Variants in DHRSX observed in about 807,000 individuals in gnomAD.
DHRSX encodes polyprenol dehydrogenase.
A neutral mutation model predicts 34.0 loss-of-function variants in DHRSX; 31 were observed. That is an observed-to-expected ratio of 0.91 (90% CI 0.69 to 1.23). The LOEUF (loss-of-function observed/expected upper bound fraction) is 1.23. DHRSX is among the 50% of genes most tolerant of loss of function. DHRSX has a pLI of 0.00. For synonymous variants in DHRSX, 201 were observed against 183.8 expected (o/e 1.09, Z -0.76); for missense variants, 414 against 428.1 (o/e 0.97, Z 0.29).
chrX:2,403,800 G>A (rs2043518506), intron 3 of DHRSX, among the ~76,000 whole-genome samples: 1 of 142,670 alleles, frequency 7.0e-6, no homozygotes, highest in Non-Finnish European at 1.5e-5. Context: ...AGGTTGCAGT[G>A]AGCCGAGATC....
rs748565771 is a variant in DHRSX at position 2,298,840 on chromosome X, C to G, written c.287-7237G>C. ...GTCTCTACTAAAAATACAAAATTAG[C>G]CGGGTGTGGTGGCACATGCCTGTAA... On this transcript the variant is annotated intron_variant, in intron 3 of 6. Transcript: ENST00000334651. 1.2e-3 allele frequency among the ~76,000 whole-genome samples: 187 copies of G among 152,064 alleles called. 1 individual carries two copies. Among genetic ancestry groups the G allele is most frequent in the African/African-American group, 4.3e-3 (178 of 41,440 alleles).
chrX:2,301,455 C>A (rs1323599130), intron 3 of DHRSX, among the ~76,000 whole-genome samples: 1 of 152,186 alleles, frequency 6.6e-6, no homozygotes, highest in Non-Finnish European at 1.5e-5. Context: ...AGATATTAGC[C>A]TTTCTTTGCT....
intron 1 of DHRSX, among the ~76,000 whole-genome samples, chrX:2,464,489 G>A (rs1233669437): frequency 1.1e-5 from 1 of 88,660 alleles, no homozygotes; most frequent in South Asian, 3.4e-4. Context: ...CTAAGAATGC[G>A]TCCAGGGGAC....
chrX:2,295,791 G>A (rs1354311707), intron 3 of DHRSX, among the ~76,000 whole-genome samples: 2 of 152,144 alleles, frequency 1.3e-5, no homozygotes, highest in Non-Finnish European at 2.9e-5. Flanking sequence ...AAGAGGGCTA[G>A]CACTTGCTTG....
intron 5 of DHRSX, among the ~76,000 whole-genome samples, chrX:2,246,356 G>C (rs1214842074): frequency 6.6e-6 from 1 of 152,102 alleles, no homozygotes; most frequent in Non-Finnish European, 1.5e-5. Context: ...GGGTGCGTTG[G>C]CTCATGCCTG....
chrX:2,433,742 T>A (rs1028649752), intron 1 of DHRSX, among the ~76,000 whole-genome samples: 4 of 152,166 alleles, frequency 2.6e-5, no homozygotes, highest in African/African-American at 9.7e-5. Context: ...ACTCATCCTT[T>A]TTATGGCTGC....
intron 1 of DHRSX, among the ~76,000 whole-genome samples, chrX:2,454,605 C>G (rs1336118904): frequency 6.6e-6 from 1 of 151,932 alleles, no homozygotes; most frequent in Admixed American, 6.6e-5. Context: ...ATCAGGCACC[C>G]CAAAAATTCC....
chrX:2,373,828 G>C (rs2043109408), intron 3 of DHRSX, among the ~76,000 whole-genome samples: 1 of 152,172 alleles, frequency 6.6e-6, no homozygotes, highest in Non-Finnish European at 1.5e-5. Context: ...ATAGAGGTGA[G>C]ATGTTGACAG....
chrX:2,484,854 G>A (rs758542385), intron 1 of DHRSX, among the ~76,000 whole-genome samples: 2 of 152,022 alleles, frequency 1.3e-5, no homozygotes, highest in South Asian at 4.2e-4. Flanking sequence ...CCGGTCTCTG[G>A]GCCTCCTCTG....
At chrX:2,403,871 A>AG (rs1220127736) in intron 3 of DHRSX, among the ~76,000 whole-genome samples, 1 of 152,144 alleles carries the variant, frequency 6.6e-6, no homozygotes, top group East Asian at 1.9e-4. Flanking sequence ...AAAAAAAAAA[A>AG]AAATTATTGG....
intron 1 of DHRSX, among the ~76,000 whole-genome samples, chrX:2,472,701 G>A (rs1452461600): frequency 2.6e-5 from 4 of 152,124 alleles, no homozygotes; most frequent in East Asian, 1.9e-4. Context: ...CCCGGGAGAC[G>A]GAGGTTGCAG....
At chrX:2,264,883 G>T (rs865867544) in intron 5 of DHRSX, among the ~76,000 whole-genome samples, 1 of 82,158 alleles carries the variant, frequency 1.2e-5, no homozygotes, top group South Asian at 2.7e-4. Flanking sequence ...CACTATGCCG[G>T]GCACCAATGT....
At chrX:2,370,703 G>A (rs2043047415) in intron 3 of DHRSX, among the ~76,000 whole-genome samples, 1 of 151,914 alleles carries the variant, frequency 6.6e-6, no homozygotes, top group Admixed American at 6.6e-5. Context: ...CCCCTTCAGG[G>A]ATGGACTGAA....
intron 3 of DHRSX, among the ~76,000 whole-genome samples, chrX:2,347,457 G>A (rs941698971): frequency 1.3e-5 from 2 of 152,222 alleles, no homozygotes; most frequent in African/African-American, 4.8e-5. Flanking sequence ...ACTTTGGGAG[G>A]CCAACACAGG....
chrX:2,499,667 G>C (rs1569351936), intron 1 of DHRSX, among the ~76,000 whole-genome samples: 1 of 152,176 alleles, frequency 6.6e-6, no homozygotes, highest in Non-Finnish European at 1.5e-5. Context: ...AGCACTTTGG[G>C]GGACCCAGGT....
chrX:2,467,473 G>A (rs374987510), intron 1 of DHRSX, among the ~76,000 whole-genome samples: 1 of 152,124 alleles, frequency 6.6e-6, no homozygotes, highest in Non-Finnish European at 1.5e-5. Context: ...ACAAGAGACA[G>A]GACTGTAACA....
intron 3 of DHRSX, among the ~76,000 whole-genome samples, chrX:2,373,357 C>T (rs1334191983): frequency 6.6e-6 from 1 of 152,132 alleles, no homozygotes; most frequent in East Asian, 1.9e-4. Context: ...TCAGAGGAGA[C>T]CTTTCAAAAG....
At chrX:2,238,750 A>AT (rs71301238) in intron 6 of DHRSX, among the ~76,000 whole-genome samples, 2,222 of 144,734 alleles carry the variant, frequency 0.015, 21 homozygotes, top group Non-Finnish European at 0.022. Flanking sequence ...CACTCGGCTA[A>AT]TTTTTTTTTT....
At chrX:2,407,150 G>A (rs1363487762) in intron 3 of DHRSX, among the ~76,000 whole-genome samples, 7 of 152,180 alleles carry the variant, frequency 4.6e-5, no homozygotes, top group Admixed American at 3.3e-4. Flanking sequence ...TACCCTAAGG[G>A]ACATAACTCA....
Sources: gnomAD v4.1 joint callset for allele counts (sites outside exome capture counted in the v4.1 genomes callset) on GRCh38, gnomAD v4.1.1 for gene constraint, MANE v1.5 for transcripts, NCBI Gene and HGNC (gene_info 2026-07-23, HGNC 2026-07-21) for gene names.